UBE2O: variants seen among roughly 807,000 people sequenced by gnomAD.
The protein encoded by UBE2O is ubiquitin conjugating enzyme E2 O, also known as (E3-independent) E2 ubiquitin-conjugating enzyme.
A neutral mutation model predicts 125.8 loss-of-function variants in UBE2O; 15 were observed. The observed-to-expected ratio is 0.12, with a 90% confidence interval of 0.08 to 0.18. The LOEUF is 0.18. Among genes scored for constraint, UBE2O ranks in the 10% least tolerant of loss-of-function variants. UBE2O has a pLI of 1.00. For synonymous variants in UBE2O, 708 were observed against 703.2 expected (o/e 1.01, Z -0.11); for missense variants, 1,280 against 1,723.6 (o/e 0.74, Z 4.56).
chr17:76,435,401 TACACACACACACACATACACACACAC>T (rs1055183786), intron 1 of UBE2O, among the ~76,000 whole-genome samples: 17 of 96,846 alleles, frequency 1.8e-4, no homozygotes, highest in East Asian at 9.5e-4. Context: ...AATATACAGA[TACACACACACACACATACACACACAC>T]ACACACACAC....
Position 76,452,102 on chromosome 17 carries a change from C to A in UBE2O, c.417+623G>T, listed in dbSNP as rs1006932905. ...TCGCAGCTGTCAGAATCCTCCCCCCCAAGTACTATTCATACCGGGGCTCTG... is the reference window on the plus strand; with the variant it reads ...TCGCAGCTGTCAGAATCCTCCCCCCAAAGTACTATTCATACCGGGGCTCTG... On this transcript the variant is annotated intron_variant, in intron 1 of 17. Coordinates refer to ENST00000319380, the MANE Select transcript of UBE2O (RefSeq NM_022066.4). This position sits in a 1 kb window ranked among gnomAD's most constrained non-coding sequence, Gnocchi z 4.4. Among the ~76,000 whole-genome samples, 1 of 152,054 alleles carries A rather than the reference C, an allele frequency of 6.6e-6. No individual in the cohort carries two copies. Among genetic ancestry groups the A allele is most frequent in the African/African-American group, 2.4e-5 (1 of 41,398 alleles).
rs1166403745 is a variant in UBE2O, at chr17:76,398,768, T to TCCA, written c.1783+66_1783+68dup. ...CTGACCCCAGATCCACTGCCCATTC[T>TCCA]CCACAAGCCCCAACCCGGGCCCTCA... On this transcript the variant is annotated intron_variant, in intron 10 of 17. Transcript: ENST00000319380. The surrounding 1 kb of genome is among the most constrained non-coding windows in gnomAD (Gnocchi z 5.4). The TCCA allele has an allele frequency of 1.3e-6, 2 of 1,575,236 alleles. No homozygotes were observed. The highest frequency in any genetic ancestry group is 3.5e-5 in the Admixed American group (2 of 57,694).
chr17:76,393,603 G>A (rs185949986), intron 15 of UBE2O, among the ~76,000 whole-genome samples: 3 of 152,208 alleles, frequency 2.0e-5, no homozygotes, highest in Admixed American at 2.0e-4. Flanking sequence ...CCCCAACAAG[G>A]CAAGTAGTAC....
intron 1 of UBE2O, among the ~76,000 whole-genome samples, chr17:76,450,224 G>A (rs1323969475): frequency 6.6e-6 from 1 of 152,080 alleles, no homozygotes; most frequent in Non-Finnish European, 1.5e-5. Context: ...AGGAGCAGGA[G>A]GTGAGAAGAA....
At chr17:76,433,093 C>A (rs1598615340) in intron 1 of UBE2O, among the ~76,000 whole-genome samples, 1 of 152,046 alleles carries the variant, frequency 6.6e-6, no homozygotes, top group Non-Finnish European at 1.5e-5. Flanking sequence ...GGTATAATAT[C>A]CAAGAGAATT....
intron 1 of UBE2O, among the ~76,000 whole-genome samples, chr17:76,441,716 T>C (rs971817846): frequency 6.6e-6 from 1 of 152,224 alleles, no homozygotes; most frequent in Non-Finnish European, 1.5e-5. Flanking sequence ...GGTGATGGCA[T>C]GTGGCATTCA....
intron 1 of UBE2O, among the ~76,000 whole-genome samples, chr17:76,443,206 T>G (rs1026397929): frequency 6.6e-6 from 1 of 152,176 alleles, no homozygotes; most frequent in Admixed American, 6.5e-5. Context: ...GCTTTCAACA[T>G]TTTGGTATGG....
rs1000649812 is a variant in UBE2O at position 76,402,285 on chromosome 17, C to T, written c.687-158G>A. On this transcript the variant is annotated intron_variant, in intron 4 of 17. Transcript: ENST00000319380. This position sits in a 1 kb window ranked among gnomAD's most constrained non-coding sequence, Gnocchi z 5.4. ...GGTAGTACAAGAAACTCTCCCACAA[C>T]GAACAAGACCCCAAGTGCCACTGGA... 2.0e-5 allele frequency among the ~76,000 whole-genome samples: 3 copies of T among 152,216 alleles called. No homozygotes were observed. Among genetic ancestry groups the T allele is most frequent in the African/African-American group, 4.8e-5 (2 of 41,456 alleles).
intron 1 of UBE2O, among the ~76,000 whole-genome samples, chr17:76,438,080 T>C (rs551159932): frequency 1.7e-4 from 26 of 152,318 alleles, no homozygotes; most frequent in African/African-American, 4.6e-4. Context: ...CATGAGAAGC[T>C]TGAGTCTCTG....
chr17:76,432,828 A>G (rs2072925987), intron 1 of UBE2O, among the ~76,000 whole-genome samples: 4 of 152,248 alleles, frequency 2.6e-5, no homozygotes, highest in Admixed American at 2.0e-4. Flanking sequence ...CAATAAGCAC[A>G]TGAAAAGATG....
intron 1 of UBE2O, among the ~76,000 whole-genome samples, chr17:76,429,420 T>C (rs1490527869): frequency 1.3e-5 from 2 of 151,352 alleles, no homozygotes; most frequent in African/African-American, 4.9e-5. Context: ...CGCATGGCTG[T>C]AATCCCAGCT....
At position 76,398,002 on chromosome 17, in the gene UBE2O, T is replaced by C; in HGVS notation, c.2026-114A>G. On this transcript the variant is annotated intron_variant, in intron 12 of 17. Transcript: ENST00000319380. This position sits in a 1 kb window ranked among gnomAD's most constrained non-coding sequence, Gnocchi z 5.4. ...CCCACCTGGCTTGTGACAAGGAACT[T>C]AGCTCCTCTGGTAAATGTAACCAGC... 1 of 1,201,450 alleles carries C rather than the reference T, an allele frequency of 8.3e-7. No individual in the cohort carries two copies. Among genetic ancestry groups the C allele is most frequent in the Non-Finnish European group, 1.2e-6 (1 of 833,530 alleles). The allele number at this position is 1,201,450 out of a possible 1,614,324, so 74.4% of individuals were successfully genotyped here.
Position 76,391,939 on chromosome 17 carries a change from C to T in UBE2O, c.3121G>A (p.Val1041Ile). The change falls in exon 16 of 18, where the codon GTC (valine) becomes ATC (isoleucine). Residue 1041 changes from valine (V) to isoleucine (I), a missense_variant. Transcript: ENST00000319380. The surrounding 1 kb of genome is among the most constrained non-coding windows in gnomAD (Gnocchi z 8.4). ...PNLYDNGKVC[V>I]SLLGTWIGKG... ...CCAATCCAGGTGCCCAGGAGGCTGA[C>T]ACACACCTTCCCATTGTCATACAGG... is the stretch of plus-strand genomic sequence containing the variant. The T allele has an allele frequency of 6.2e-7, 1 of 1,612,604 alleles. No individual in the cohort carries two copies. Among genetic ancestry groups the T allele is most frequent in the Non-Finnish European group, 8.5e-7 (1 of 1,179,590 alleles).
At chr17:76,394,384 T>C (rs1321019930) in intron 15 of UBE2O, among the ~76,000 whole-genome samples, 1 of 152,306 alleles carries the variant, frequency 6.6e-6, no homozygotes, top group Non-Finnish European at 1.5e-5. Context: ...CACTCAGCGC[T>C]GCCTCAGTAA....
At position 76,391,144 on chromosome 17, in the gene UBE2O, T is replaced by C. The variant is rs149267279; in HGVS notation, c.3678A>G (p.Ala1226=). The C allele has an allele frequency of 2.9e-5, 47 of 1,613,782 alleles. No individual in the cohort carries two copies. Among genetic ancestry groups the C allele is most frequent in the African/African-American group, 2.0e-4 (15 of 74,930 alleles). The change falls in exon 18 of 18, where the codon GCA becomes GCG. Residue 1226 remains alanine (A), a synonymous_variant. Transcript: ENST00000319380. The surrounding 1 kb of genome is among the most constrained non-coding windows in gnomAD (Gnocchi z 8.4). The part of the protein sequence containing the change: ...TDQTSETAPD[A]SVPPSVKPKK... The stretch of plus-strand genomic sequence containing the variant: ...TTGGTTTCACACTGGGTGGCACCGA[T>C]GCGTCTGGTGCGGTCTCCGAAGTCT...
chr17:76,429,561 A>AAG (rs2143840548), intron 1 of UBE2O, among the ~76,000 whole-genome samples: 1 of 151,472 alleles, frequency 6.6e-6, no homozygotes, highest in East Asian at 1.9e-4. Flanking sequence ...AAAAAAAAAA[A>AAG]AAAGTTAAAA....
chr17:76,400,368 C>T lies in UBE2O; in HGVS notation c.1005-71G>A. The T allele has an allele frequency of 1.3e-6, 2 of 1,594,884 alleles. No homozygotes were observed. The highest frequency in any genetic ancestry group is 1.7e-6 in the Non-Finnish European group (2 of 1,167,992). ...GGCCAGCAGTGTTCTTAAGCCTCCCCAGGCATGTGACCAGGGCCCAGAGCC... is the reference window on the plus strand; with the variant it reads ...GGCCAGCAGTGTTCTTAAGCCTCCCTAGGCATGTGACCAGGGCCCAGAGCC... On this transcript the variant is annotated intron_variant, in intron 7 of 17. Transcript: ENST00000319380. The surrounding 1 kb of genome is among the most constrained non-coding windows in gnomAD (Gnocchi z 4.3).
At chr17:76,438,846 C>A (rs931893292) in intron 1 of UBE2O, among the ~76,000 whole-genome samples, 2 of 152,122 alleles carry the variant, frequency 1.3e-5, no homozygotes, top group Non-Finnish European at 2.9e-5. Flanking sequence ...AAGTCAGCAC[C>A]TCTAGCACTC....
intron 1 of UBE2O, among the ~76,000 whole-genome samples, chr17:76,437,187 A>G (rs1253880318): frequency 6.7e-6 from 1 of 149,774 alleles, no homozygotes. Context: ...ACAGTGGCTC[A>G]CTCCGGTAAT....
Sources: allele counts gnomAD v4.1 joint callset (sites outside exome capture counted in the v4.1 genomes callset), GRCh38; gene constraint gnomAD v4.1.1; non-coding constraint Gnocchi (gnomAD v3.1); transcripts MANE v1.5; gene names NCBI Gene and HGNC (gene_info 2026-07-23, HGNC 2026-07-21).